Variants in GALNT15 observed in about 807,000 individuals in gnomAD.
The protein encoded by GALNT15 is UDP-GalNAc transferase T15.
Under a neutral mutation model 66.8 loss-of-function variants are expected in GALNT15, and 67 were observed. The observed-to-expected ratio is 1.00, with a 90% CI of 0.82 to 1.23. The LOEUF is 1.23. GALNT15 is among the 50% of genes most tolerant of loss of function. The pLI, the probability that GALNT15 is intolerant of heterozygous loss-of-function variation, is 0.00. For missense variants in GALNT15, 827 were observed against 804.3 expected (o/e 1.03, Z -0.34); for synonymous variants, 313 against 311.5 (o/e 1.00, Z -0.05).
At chr3:16,207,689 C>G (rs1012791315) in intron 3 of GALNT15, among the ~76,000 whole-genome samples, 3 of 152,018 alleles carry the variant, frequency 2.0e-5, no homozygotes, top group Admixed American at 6.6e-5. Flanking sequence ...ATTTCTCAAG[C>G]CAATCCAGTT....
rs1390521641 is a variant in GALNT15 at position 16,211,241 on chromosome 3, G to A, written c.1197G>A (p.Lys399=). ...GTGAAAACCTCGAACTGTCTTTCAAGGTATGTCCTGGACCAAGGGAGGACA... is the reference window on the plus strand; with the variant it reads ...GTGAAAACCTCGAACTGTCTTTCAAAGTATGTCCTGGACCAAGGGAGGACA... ...RGGENLELSF[K]AWLCGGSVEI... is the part of the protein sequence containing the mutation. The change falls in exon 5 of 10, where the codon AAG becomes AAA. Residue 399 remains lysine, a splice_region_variant and synonymous_variant. Coordinates refer to ENST00000339732, the MANE Select transcript of GALNT15 (RefSeq NM_054110.5). This position sits in a 1 kb window ranked among gnomAD's most constrained non-coding sequence, Gnocchi z 4.3. 3.8e-6 allele frequency: 6 copies of A among 1,591,786 alleles called. No homozygotes were observed. Among genetic ancestry groups the A allele is most frequent in the Non-Finnish European group, 5.2e-6 (6 of 1,159,668 alleles).
chr3:16,208,095 C>A (rs1212489679), intron 3 of GALNT15, among the ~76,000 whole-genome samples: 1 of 152,094 alleles, frequency 6.6e-6, no homozygotes, highest in East Asian at 1.9e-4. Context: ...AAGCAATACA[C>A]CCTAATTCCT....
chr3:16,202,491 G>A (rs1000044103), intron 3 of GALNT15, among the ~76,000 whole-genome samples: 2 of 152,198 alleles, frequency 1.3e-5, no homozygotes, highest in African/African-American at 4.8e-5. Flanking sequence ...AAATTAACTG[G>A]GTGTGGTAGC....
the GALNT15 span, among the ~76,000 whole-genome samples, chr3:16,238,023 CT>C: frequency 6.6e-6 from 1 of 152,034 alleles, no homozygotes; most frequent in Non-Finnish European, 1.5e-5. The surrounding 1 kb of genome is among the most constrained non-coding windows in gnomAD (Gnocchi z 4.8). Context: ...TTTAAGGTGG[CT>C]CTTTTCCCTA....
chr3:16,244,658 T>C, the GALNT15 span, among the ~76,000 whole-genome samples: 1 of 152,220 alleles, frequency 6.6e-6, no homozygotes, highest in Non-Finnish European at 1.5e-5. Flanking sequence ...CATCGGCATG[T>C]AGACAGTGCA....
intron 9 of GALNT15, among the ~76,000 whole-genome samples, chr3:16,223,849 C>A (rs548264068): frequency 6.6e-6 from 1 of 152,030 alleles, no homozygotes; most frequent in South Asian, 2.1e-4. Context: ...TGAGCCACTG[C>A]GCCTGGCTAC....
At chr3:16,243,376 G>A in the GALNT15 span, among the ~76,000 whole-genome samples, 23 of 152,334 alleles carry the variant, frequency 1.5e-4, no homozygotes, top group African/African-American at 5.3e-4. Flanking sequence ...GTTCCCTCAG[G>A]TCAGAGCCCA....
At position 16,228,808 on chromosome 3, in the gene GALNT15, C is replaced by T. The variant is rs1194641598; in HGVS notation, c.*1308C>T. On this transcript the variant is annotated 3_prime_UTR_variant, in exon 10 of 10. Coordinates refer to ENST00000339732, the MANE Select transcript of GALNT15 (RefSeq NM_054110.5). ...CAGGTAACATTTGGGTGTTAATGTC[C>T]ATGAGAGCTGACAGGGCCATCTCTG... The T allele has an allele frequency of 3.0e-6, 3 of 985,258 alleles. No individual in the cohort carries two copies. The highest frequency in any genetic ancestry group is 1.1e-4 in the East Asian group (1 of 8,826). 61.0% of individuals were successfully genotyped at this position (985,258 alleles called of 1,614,324 possible).
rs571221660 is a variant in GALNT15 at position 16,189,961 on chromosome 3, G to A, written c.540-5799G>A. Among the ~76,000 whole-genome samples the A allele has an allele frequency of 6.6e-6, 1 of 152,310 alleles. No homozygotes were observed. Among genetic ancestry groups the A allele is most frequent in the African/African-American group, 2.4e-5 (1 of 41,548 alleles). On this transcript the variant is annotated intron_variant, in intron 1 of 9. Transcript: ENST00000339732. This position sits in a 1 kb window ranked among gnomAD's most constrained non-coding sequence, Gnocchi z 5.1. ...TATGGTACTTGCCCAGGTCACATAA[G>A]GACAGACTGGGATTTGAACCCAATG...
In GALNT15 at chr3:16,219,241, C is replaced by T. The variant is rs918755688; in HGVS notation, c.1393-162C>T. On this transcript the variant is annotated intron_variant, in intron 6 of 9. Transcript: ENST00000339732. This position sits in a 1 kb window ranked among gnomAD's most constrained non-coding sequence, Gnocchi z 4.3. Reference sequence around the variant, plus strand: ...TCTATCCCTTCCAGACCTTCTTCTCCCAACACATGACCCTCCCCACTGCAG... The same window carrying T: ...TCTATCCCTTCCAGACCTTCTTCTCTCAACACATGACCCTCCCCACTGCAG... Among the ~76,000 whole-genome samples the T allele has an allele frequency of 3.9e-5, 6 of 152,142 alleles. No individual in the cohort carries two copies. The highest frequency in any genetic ancestry group is 1.4e-4 in the African/African-American group (6 of 41,412).
downstream of GALNT15, chr3:16,231,806 C>T (rs1404223959): frequency 6.5e-7 from 1 of 1,536,216 alleles, no homozygotes; most frequent in Non-Finnish European, 8.7e-7. The surrounding 1 kb of genome is among the most constrained non-coding windows in gnomAD (Gnocchi z 4.1). Flanking sequence ...GAGAACAGGG[C>T]CAACTCTGCT....
intron 3 of GALNT15, among the ~76,000 whole-genome samples, chr3:16,201,326 CG>C (rs1460862476): frequency 5.3e-5 from 8 of 152,050 alleles, no homozygotes; most frequent in Non-Finnish European, 1.2e-4. Flanking sequence ...GGACTACAGG[CG>C]CCCGCCACCA....
Position 16,187,497 on chromosome 3 carries a change from C to G in GALNT15, c.540-8263C>G, listed in dbSNP as rs1384146982. On this transcript the variant is annotated intron_variant, in intron 1 of 9. Coordinates refer to ENST00000339732, the MANE Select transcript of GALNT15 (RefSeq NM_054110.5). The surrounding 1 kb of genome is among the most constrained non-coding windows in gnomAD (Gnocchi z 5.1). The stretch of plus-strand genomic sequence containing the variant: ...GTTTTTCTTCAAGCAGACTGTAATC[C>G]TCTATTAGGCTACGTTGGTTTCATT... Among the ~76,000 whole-genome samples, 1 of 152,140 alleles carries G rather than the reference C, an allele frequency of 6.6e-6. No individual in the cohort carries two copies. Among genetic ancestry groups the G allele is most frequent in the Non-Finnish European group, 1.5e-5 (1 of 68,038 alleles).
At chr3:16,248,142 C>G in the GALNT15 span, among the ~76,000 whole-genome samples, 105 of 152,300 alleles carry the variant, frequency 6.9e-4, no homozygotes, top group South Asian at 1.7e-3. The surrounding 1 kb of genome is among the most constrained non-coding windows in gnomAD (Gnocchi z 4.9). Flanking sequence ...CTCCCTCCCC[C>G]GCTCAAAACA....
the GALNT15 span, among the ~76,000 whole-genome samples, chr3:16,246,570 C>T: frequency 6.6e-6 from 1 of 152,080 alleles, no homozygotes. Flanking sequence ...GATCTGCCCT[C>T]CTCGACCTCC....
chr3:16,201,787 G>A (rs145120126), intron 3 of GALNT15, among the ~76,000 whole-genome samples: 7 of 152,152 alleles, frequency 4.6e-5, no homozygotes, highest in African/African-American at 1.7e-4. Context: ...TCACTTCCTT[G>A]CTCAAGACAA....
rs1045322505 is a variant in GALNT15 at position 16,209,706 on chromosome 3, C to A, written c.1079+1036C>A. Among the ~76,000 whole-genome samples the A allele has an allele frequency of 5.3e-5, 8 of 152,116 alleles. No homozygotes were observed. The highest frequency in any genetic ancestry group is 1.2e-4 in the African/African-American group (5 of 41,416). ...GCATGGTAGCACACTCCTGTAGTCC[C>A]AGTTACTTGGGAGGCTGAGGCACAA... On this transcript the variant is annotated intron_variant, in intron 4 of 9. Coordinates refer to ENST00000339732, the MANE Select transcript of GALNT15 (RefSeq NM_054110.5). This position sits in a 1 kb window ranked among gnomAD's most constrained non-coding sequence, Gnocchi z 4.1.
intron 1 of GALNT15, among the ~76,000 whole-genome samples, chr3:16,185,758 GA>G (rs2063510058): frequency 2.3e-5 from 3 of 132,674 alleles, no homozygotes; most frequent in Non-Finnish European, 5.1e-5. Flanking sequence ...CAGATAGATA[GA>G]TAGATAGATA....
the GALNT15 span, among the ~76,000 whole-genome samples, chr3:16,237,082 A>C: frequency 8.5e-5 from 13 of 152,258 alleles, no homozygotes; most frequent in African/African-American, 3.1e-4. The surrounding 1 kb of genome is among the most constrained non-coding windows in gnomAD (Gnocchi z 4.2). Flanking sequence ...TTGGGATGTA[A>C]GGACAATCAG....
Sources: gnomAD v4.1 joint callset for allele counts (sites outside exome capture counted in the v4.1 genomes callset) on GRCh38, gnomAD v4.1.1 for gene constraint, Gnocchi (gnomAD v3.1) non-coding constraint, MANE v1.5 for transcripts, NCBI Gene and HGNC (gene_info 2026-07-23, HGNC 2026-07-21) for gene names.